The following TLL2 variants were observed in gnomAD, a reference collection of about 807,000 sequenced individuals.
TLL2 encodes the protein tolloid-like protein 2.
A neutral mutation model predicts 123.0 loss-of-function variants in TLL2; 106 were observed. The observed-to-expected ratio is 0.86, with a 90% CI of 0.74 to 1.01. The LOEUF (loss-of-function observed/expected upper bound fraction) is 1.01, where lower values mean the gene tolerates loss of function less well. Among genes scored for constraint, TLL2 ranks in the 50% least tolerant of loss-of-function variants. The pLI is 0.00. For synonymous variants in TLL2, 494 were observed against 516.8 expected (o/e 0.96, Z 0.60); for missense variants, 1,332 against 1,336.7 (o/e 1.00, Z 0.06).
intron 13 of TLL2, among the ~76,000 whole-genome samples, chr10:96,392,253 T>A (rs934882700): frequency 6.6e-6 from 1 of 152,298 alleles, no homozygotes; most frequent in African/African-American, 2.4e-5. Context: ...CAAACCAGTT[T>A]AGCATCAGAG....
At chr10:96,481,590 T>C (rs1420803298) in intron 1 of TLL2, among the ~76,000 whole-genome samples, 14 of 152,234 alleles carry the variant, frequency 9.2e-5, no homozygotes, top group Admixed American at 9.2e-4. Flanking sequence ...GTCATCTCTA[T>C]GTTATGCAGT....
At chr10:96,383,251 G>T (rs1355994087) in intron 16 of TLL2, among the ~76,000 whole-genome samples, 3 of 152,206 alleles carry the variant, frequency 2.0e-5, no homozygotes, top group African/African-American at 7.2e-5. Flanking sequence ...GAGAAGTAGG[G>T]TCCAATGTGC....
In TLL2 at chr10:96,497,584, C is replaced by A. The variant is rs796307319; in HGVS notation, c.175+15927G>T. 1.4e-4 allele frequency among the ~76,000 whole-genome samples: 21 copies of A among 152,300 alleles called. 1 individual carries two copies. Among genetic ancestry groups the A allele is most frequent in the African/African-American group, 5.1e-4 (21 of 41,578 alleles). ...TTCTTCCCTGCTAGATGCTACAGGTCTAGCCATAGACACATCCCTCCGCAA... is the reference window on the plus strand; with the variant it reads ...TTCTTCCCTGCTAGATGCTACAGGTATAGCCATAGACACATCCCTCCGCAA... On this transcript the variant is annotated intron_variant, in intron 1 of 20. Coordinates refer to ENST00000357947, the MANE Select transcript of TLL2 (RefSeq NM_012465.4).
At position 96,386,062 on chromosome 10, in the gene TLL2, C is replaced by G; in HGVS notation, c.2006G>C (p.Gly669Ala). 1 of 1,598,076 alleles carries G rather than the reference C, an allele frequency of 6.3e-7. No homozygotes were observed. The highest frequency in any genetic ancestry group is 1.3e-5 in the African/African-American group (1 of 74,444). Residue 669 changes from glycine to alanine, a missense_variant, in exon 15 of 21, where the codon GGC (glycine) becomes GCC (alanine). Transcript: ENST00000357947. ...TAGAGCATGGAGACATACGTCATTG[C>G]CTTCCAGTTCAAACACTTCAAACTG... is the stretch of plus-strand genomic sequence containing the variant. ...SLQFEVFELEGNDVCKYDFVE... is the reference protein window; with the variant it reads ...SLQFEVFELEANDVCKYDFVE...
At chr10:96,490,909 C>A (rs1246891880) in intron 1 of TLL2, among the ~76,000 whole-genome samples, 3 of 152,076 alleles carry the variant, frequency 2.0e-5, no homozygotes, top group Non-Finnish European at 2.9e-5. Context: ...TCGGGTGCAC[C>A]CTGGAGTTTG....
At chr10:96,491,240 G>A (rs772089740) in intron 1 of TLL2, among the ~76,000 whole-genome samples, 1 of 152,030 alleles carries the variant, frequency 6.6e-6, no homozygotes. Flanking sequence ...AAATTAGCTG[G>A]GCGTGGTGGC....
intron 5 of TLL2, among the ~76,000 whole-genome samples, chr10:96,425,560 G>A (rs1846671656): frequency 2.6e-5 from 4 of 151,168 alleles, no homozygotes; most frequent in Admixed American, 2.6e-4. Flanking sequence ...TATAGGTCTG[G>A]CACATTTATG....
At chr10:96,480,524 G>A in intron 1 of TLL2, 65 bp from the exon 2 acceptor site, 1 of 1,268,560 alleles carries the variant, frequency 7.9e-7, no homozygotes, top group South Asian at 1.2e-5. Flanking sequence ...ATTCACTAAT[G>A]CCCCAAAGGG....
At chr10:96,441,808 G>C (rs180695864) in intron 3 of TLL2, among the ~76,000 whole-genome samples, 17 of 152,256 alleles carry the variant, frequency 1.1e-4, no homozygotes, top group African/African-American at 4.1e-4. Flanking sequence ...GAAGTTCGTG[G>C]GGCTCAGTTG....
intron 3 of TLL2, among the ~76,000 whole-genome samples, chr10:96,441,948 C>A (rs76580638): frequency 0.011 from 1,610 of 152,242 alleles, 21 homozygotes; most frequent in African/African-American, 0.034. Flanking sequence ...TCACACAAAG[C>A]CCCTAGGAAA....
intron 1 of TLL2, among the ~76,000 whole-genome samples, chr10:96,512,573 C>T (rs963505525): frequency 6.6e-6 from 1 of 152,216 alleles, no homozygotes. Flanking sequence ...CCCACAAAGC[C>T]GGAGATAAAC....
intron 2 of TLL2, among the ~76,000 whole-genome samples, chr10:96,450,649 C>A (rs1472302230): frequency 2.0e-5 from 3 of 152,162 alleles, no homozygotes; most frequent in African/African-American, 4.8e-5. Flanking sequence ...ACATCGAAAT[C>A]GATGAAAAGC....
At chr10:96,417,279 T>TC (rs1489646527) in intron 7 of TLL2, among the ~76,000 whole-genome samples, 2 of 152,100 alleles carry the variant, frequency 1.3e-5, no homozygotes, top group Admixed American at 1.3e-4. Context: ...ATAGAAAAGC[T>TC]CCCAGTAAAA....
intron 5 of TLL2, among the ~76,000 whole-genome samples, chr10:96,424,583 A>G (rs1488615247): frequency 6.6e-6 from 1 of 152,132 alleles, no homozygotes; most frequent in Non-Finnish European, 1.5e-5. Flanking sequence ...AGTTTTTCAC[A>G]TATTTTAAGC....
rs1846905133 is a variant in TLL2, at chr10:96,447,288, T to G, written c.287-1120A>C. Among the ~76,000 whole-genome samples the G allele has an allele frequency of 2.0e-5, 3 of 152,366 alleles. No individual in the cohort carries two copies. The South Asian group carries it at 6.2e-4, about 32-fold the overall frequency. ...GCCTTGCCAACCAGGCTGTGTTTTG[T>G]GACTTTATTCTCTTTGTTACAGGAA... is the stretch of plus-strand genomic sequence containing the variant. On this transcript the variant is annotated intron_variant, in intron 2 of 20. Coordinates refer to ENST00000357947, the MANE Select transcript of TLL2 (RefSeq NM_012465.4).
chr10:96,399,576 A>G (rs576744521), intron 10 of TLL2, among the ~76,000 whole-genome samples: 42 of 152,364 alleles, frequency 2.8e-4, no homozygotes, highest in African/African-American at 8.9e-4. Context: ...GAATTTGGCA[A>G]GAAAAAATCC....
chr10:96,413,823 G>A (rs763370998), intron 7 of TLL2, among the ~76,000 whole-genome samples: 113 of 152,210 alleles, frequency 7.4e-4, no homozygotes, highest in Non-Finnish European at 1.5e-3. Flanking sequence ...CTGGTAAGAG[G>A]GAAATCAGAT....
intron 2 of TLL2, among the ~76,000 whole-genome samples, chr10:96,453,524 A>C (rs1028691718): frequency 1.3e-5 from 2 of 152,214 alleles, no homozygotes; most frequent in African/African-American, 4.8e-5. Context: ...TTAAGGAATT[A>C]ATTGGCAATG....
chr10:96,494,984 A>G (rs1187396879), intron 1 of TLL2, among the ~76,000 whole-genome samples: 1 of 152,168 alleles, frequency 6.6e-6, no homozygotes, highest in Non-Finnish European at 1.5e-5. Flanking sequence ...TTGGAAACCA[A>G]TGGAGTCCAT....
Sources: gnomAD v4.1 joint callset for allele counts (sites outside exome capture counted in the v4.1 genomes callset) on GRCh38, gnomAD v4.1.1 for gene constraint, MANE v1.5 for transcripts, NCBI Gene and HGNC (gene_info 2026-07-23, HGNC 2026-07-21) for gene names.